C6: variants seen among roughly 807,000 people sequenced by gnomAD.
C6 encodes complement component C6.
A neutral mutation model predicts 112.9 loss-of-function variants in C6; 101 were observed. That is an observed-to-expected ratio of 0.89 (90% CI 0.76 to 1.06). The LOEUF is 1.06. Among genes scored for constraint, C6 ranks in the 50% least tolerant of loss-of-function variants. C6 has a pLI of 0.00. For synonymous variants in C6, 431 were observed against 384.1 expected, an observed-to-expected ratio of 1.12 and a Z score of -1.43; for missense variants, 1,202 against 1,104.6, an observed-to-expected ratio of 1.09 and a Z score of -1.25.
chr5:41,171,325 G>A (rs576833345), intron 9 of C6, among the ~76,000 whole-genome samples: 13 of 152,270 alleles, frequency 8.5e-5, no homozygotes, highest in African/African-American at 3.1e-4. Context: ...GACTGCTGAA[G>A]GAGAGGAAAG....
intron 4 of C6, 22 bp downstream of exon 4, chr5:41,199,746 A>G (rs374802021): frequency 6.2e-7 from 1 of 1,612,248 alleles, no homozygotes; most frequent in Non-Finnish European, 8.5e-7. Context: ...TGGGGACTGA[A>G]CATTTCACAA....
rs1462321446 is a variant in C6 at position 41,149,946 on chromosome 5, T to G, written c.2370A>C (p.Glu790Asp). 1.9e-6 allele frequency: 3 copies of G among 1,609,654 alleles called. No individual in the cohort carries two copies. Among genetic ancestry groups the G allele is most frequent in the African/African-American group, 1.3e-5 (1 of 74,970 alleles). ...AGGGTATCTCTTACCTACAGTCTTC[T>G]TCTGGAGACATACAAATGCATTCAG... ...SGSECICMSP[E>D]EDCSHHSEDL... The change falls in exon 16 of 18, where the codon GAA (glutamate) becomes GAC (aspartate). Residue 790 changes from glutamate (E) to aspartate (D), a missense_variant. By Grantham distance (45) the Glu-to-Asp change is conservative. Transcript: ENST00000337836.
At chr5:41,226,951 T>A (rs1025316638) in intron 1 of C6, among the ~76,000 whole-genome samples, 3 of 152,160 alleles carry the variant, frequency 2.0e-5, no homozygotes, top group Non-Finnish European at 2.9e-5. Flanking sequence ...ATACTAATTT[T>A]ATTTCCTTTG....
intron 7 of C6, 131 bp from the exon 8 acceptor site, chr5:41,176,846 G>T (rs1028409656): frequency 2.3e-6 from 2 of 885,244 alleles, no homozygotes; most frequent in African/African-American, 1.7e-5. Flanking sequence ...ACTCTCTATT[G>T]CATGTTCTCA....
intron 1 of C6, among the ~76,000 whole-genome samples, chr5:41,208,344 A>C (rs1008148844): frequency 3.3e-5 from 5 of 152,240 alleles, no homozygotes; most frequent in African/African-American, 7.2e-5. Context: ...TTCAAAAGCT[A>C]GCAGAAGGCA....
At chr5:41,236,556 C>A (rs1200906285) in intron 1 of C6, among the ~76,000 whole-genome samples, 4 of 109,968 alleles carry the variant, frequency 3.6e-5, no homozygotes, top group South Asian at 3.6e-4. Flanking sequence ...ATACCAGAAT[C>A]TCTGGGACGC....
chr5:41,145,212 C>T (rs991124205), intron 17 of C6, among the ~76,000 whole-genome samples: 1 of 152,160 alleles, frequency 6.6e-6, no homozygotes, highest in Admixed American at 6.5e-5. Flanking sequence ...TGAACTAAAG[C>T]AGATCTTTTA....
In C6 at chr5:41,158,643, A is replaced by G. The variant is rs200138325; in HGVS notation, c.1968+31T>C. The G allele has an allele frequency of 3.9e-5, 50 of 1,296,634 alleles. No homozygotes were observed. The Admixed American group carries it at 5.4e-4, about 14-fold the overall frequency. 80.3% of individuals were successfully genotyped at this position (1,296,634 alleles called of 1,614,324 possible). A position where few individuals can be genotyped will look rare whatever the true frequency, so the allele number is the denominator to read the frequency against. Reference sequence around the variant, plus strand: ...TATACTTTTCGAGGTTTTTAAAACTACAAACCAAAAGTGAGGTTTAGGATG... The same window carrying G: ...TATACTTTTCGAGGTTTTTAAAACTGCAAACCAAAAGTGAGGTTTAGGATG... On this transcript the variant is annotated intron_variant, in intron 13 of 17. Transcript: ENST00000337836.
intron 1 of C6, among the ~76,000 whole-genome samples, chr5:41,230,427 T>A (rs1739823343): frequency 6.6e-6 from 1 of 151,970 alleles, no homozygotes; most frequent in Non-Finnish European, 1.5e-5. Flanking sequence ...ACTCTGGGAG[T>A]GTCTGTCTTA....
intron 1 of C6, among the ~76,000 whole-genome samples, chr5:41,207,370 C>A (rs1580193393): frequency 6.6e-6 from 1 of 152,184 alleles, no homozygotes; most frequent in East Asian, 1.9e-4. Context: ...CAAATTCACA[C>A]ATAACAATAT....
intron 1 of C6, among the ~76,000 whole-genome samples, chr5:41,204,972 G>A (rs563256143): frequency 6.6e-5 from 10 of 152,136 alleles, no homozygotes; most frequent in Non-Finnish European, 7.4e-5. Flanking sequence ...TCTTCTACAA[G>A]CTCAAAGAAA....
chr5:41,155,175 T>C, intron 13 of C6, 71 bp from the exon 14 acceptor site: 2 of 1,399,224 alleles, frequency 1.4e-6, no homozygotes, highest in Non-Finnish European at 2.0e-6. Context: ...AGTCTCACAC[T>C]GATCCTTTCT....
chr5:41,249,659 C>T (rs371297140), intron 1 of C6, among the ~76,000 whole-genome samples: 13 of 152,272 alleles, frequency 8.5e-5, no homozygotes, highest in South Asian at 4.1e-4. Context: ...ATCATACCTT[C>T]GGCTTTATTT....
intron 8 of C6, among the ~76,000 whole-genome samples, chr5:41,174,387 C>T (rs549609373): frequency 3.3e-5 from 5 of 152,188 alleles, no homozygotes; most frequent in African/African-American, 9.6e-5. Context: ...TACCCTGATG[C>T]GTAAAAGACA....
intron 1 of C6, among the ~76,000 whole-genome samples, chr5:41,210,422 G>T (rs532773258): frequency 1.3e-5 from 2 of 152,286 alleles, no homozygotes; most frequent in Admixed American, 1.3e-4. Context: ...CCATCAGAGT[G>T]AACAGGCAAC....
chr5:41,212,532 A>G (rs1471653548), intron 1 of C6, among the ~76,000 whole-genome samples: 1 of 152,122 alleles, frequency 6.6e-6, no homozygotes, highest in East Asian at 1.9e-4. Flanking sequence ...ATTGTATTAT[A>G]TGGTTTCTTA....
At chr5:41,195,760 T>C in intron 5 of C6, 32 bp downstream of exon 5, 1 of 1,609,126 alleles carries the variant, frequency 6.2e-7, no homozygotes, top group Admixed American at 1.7e-5. Context: ...TGATACCTGT[T>C]CTCCCCAAGA....
At position 41,172,305 on chromosome 5, in the gene C6, G is replaced by C; in HGVS notation, c.1211C>G (p.Thr404Arg). The C allele has an allele frequency of 6.2e-7, 1 of 1,613,590 alleles. No homozygotes were observed. Among genetic ancestry groups the C allele is most frequent in the Non-Finnish European group, 8.5e-7 (1 of 1,179,710 alleles). The change falls in exon 9 of 18, where the codon ACA becomes AGA. Residue 404 changes from threonine (T) to arginine (R), a missense_variant. Transcript: ENST00000337836. Reference protein sequence around the residue: ...EEAKHCVRIETKKRVLFAKKT... With the variant: ...EEAKHCVRIERKKRVLFAKKT... ...CTTAGCAAATAAAACGCGTTTCTTTGTTTCAATCCTGACACAGTGTTTGGC... is the reference window on the plus strand; with the variant it reads ...CTTAGCAAATAAAACGCGTTTCTTTCTTTCAATCCTGACACAGTGTTTGGC...
intron 3 of C6, 108 bp downstream of exon 3, chr5:41,201,450 A>AT (rs1244321586): frequency 2.7e-6 from 3 of 1,124,700 alleles, no homozygotes; most frequent in Non-Finnish European, 4.0e-6. Flanking sequence ...GAGACAGTTG[A>AT]TTTTCAGAAA....
Sources: gnomAD v4.1 joint callset for allele counts (sites outside exome capture counted in the v4.1 genomes callset) on GRCh38, gnomAD v4.1.1 for gene constraint, MANE v1.5 for transcripts, NCBI Gene and HGNC (gene_info 2026-07-23, HGNC 2026-07-21) for gene names.